Variants in TNS3 observed in about 807,000 individuals in gnomAD.
TNS3 encodes the protein tensin-3.
Under a neutral mutation model 140.9 loss-of-function variants are expected in TNS3, and 45 were observed. The observed-to-expected ratio is 0.32, with a 90% CI of 0.25 to 0.41. The LOEUF (loss-of-function observed/expected upper bound fraction) is 0.41, where lower values mean the gene tolerates loss of function less well. Among genes scored for constraint, TNS3 ranks in the 10% least tolerant of loss-of-function variants. The pLI is 1.00. For missense variants in TNS3, 1,716 were observed against 1,906.7 expected (o/e 0.90, Z 1.86); for synonymous variants, 815 against 788.4 (o/e 1.03, Z -0.56).
intron 17 of TNS3, among the ~76,000 whole-genome samples, chr7:47,365,771 TAAAA>T (rs944871953): frequency 6.6e-6 from 1 of 151,744 alleles, no homozygotes; most frequent in Non-Finnish European, 1.5e-5. Flanking sequence ...AAAAAATAAA[TAAAA>T]AAATAAAGTA....
intron 16 of TNS3, among the ~76,000 whole-genome samples, chr7:47,384,743 T>C (rs1360693828): frequency 6.6e-6 from 1 of 152,110 alleles, no homozygotes; most frequent in Admixed American, 6.5e-5. Context: ...TCACAGCCAA[T>C]GTATGTTTAA....
At chr7:47,377,042 T>C (rs1416624538) in intron 16 of TNS3, among the ~76,000 whole-genome samples, 1 of 152,176 alleles carries the variant, frequency 6.6e-6, no homozygotes, top group Non-Finnish European at 1.5e-5. Flanking sequence ...GTCCTGCCTG[T>C]GCCTGGACCA....
intron 23 of TNS3, among the ~76,000 whole-genome samples, chr7:47,300,973 G>T (rs1045729653): frequency 6.6e-6 from 1 of 152,204 alleles, no homozygotes; most frequent in Admixed American, 6.5e-5. Flanking sequence ...GATCATAAGA[G>T]ATGCACATTC....
chr7:47,449,653 G>C (rs1795922646), intron 4 of TNS3, among the ~76,000 whole-genome samples: 1 of 152,132 alleles, frequency 6.6e-6, no homozygotes, highest in African/African-American at 2.4e-5. Context: ...TGTTGCCCAG[G>C]CTGGAGTGCA....
rs554934938 is a variant in TNS3, at chr7:47,276,153, G to A, written c.*1923C>T. The A allele has an allele frequency of 1.6e-4, 28 of 172,594 alleles. No individual in the cohort carries two copies. The South Asian group carries it at 2.1e-3, about 13-fold the overall frequency. 10.7% of individuals were successfully genotyped at this position (172,594 alleles called of 1,614,324 possible). The stretch of plus-strand genomic sequence containing the variant: ...CAGGGTCAACACATGAGGATCTGCT[G>A]AAAATGCCAGCACCTCCTGACAGTC... On this transcript the variant is annotated 3_prime_UTR_variant, in exon 31 of 31. Transcript: ENST00000311160.
chr7:47,365,950 A>G (rs1320816346), intron 17 of TNS3, among the ~76,000 whole-genome samples: 2 of 152,164 alleles, frequency 1.3e-5, no homozygotes, highest in African/African-American at 2.4e-5. Flanking sequence ...AGAGACTACT[A>G]TATGTTAACC....
At chr7:47,376,572 G>C (rs1791397511) in intron 16 of TNS3, among the ~76,000 whole-genome samples, 1 of 152,196 alleles carries the variant, frequency 6.6e-6, no homozygotes, top group Admixed American at 6.5e-5. Flanking sequence ...ATCAGAGGCT[G>C]AGAGAGCCTG....
intron 4 of TNS3, among the ~76,000 whole-genome samples, chr7:47,444,044 T>C (rs1404941239): frequency 6.6e-6 from 1 of 152,240 alleles, no homozygotes; most frequent in African/African-American, 2.4e-5. Flanking sequence ...GGTTAATTCA[T>C]ACAATCTGTA....
At chr7:47,282,917 G>T (rs970925036) in intron 28 of TNS3, among the ~76,000 whole-genome samples, 3 of 152,166 alleles carry the variant, frequency 2.0e-5, no homozygotes, top group Non-Finnish European at 4.4e-5. Flanking sequence ...GCACCACAGA[G>T]AGGCATGGGG....
At chr7:47,349,209 C>CA (rs367917995) in intron 17 of TNS3, among the ~76,000 whole-genome samples, 36 of 150,692 alleles carry the variant, frequency 2.4e-4, no homozygotes, top group African/African-American at 4.1e-4. Context: ...AAAAGAGTCT[C>CA]AAAAAAAAAT....
chr7:47,522,927 C>CAAAA lies in TNS3; in HGVS notation c.-153+6105_-153+6108dup, dbSNP rs370083525. The stretch of plus-strand genomic sequence containing the variant: ...TGGGTGACAGAGCGAGACTCCATCT[C>CAAAA]AAAAAAAAAAAGAGTTTCTATTGTT... On this transcript the variant is annotated intron_variant, in intron 2 of 30. Coordinates refer to ENST00000311160, the MANE Select transcript of TNS3 (RefSeq NM_022748.12). Among the ~76,000 whole-genome samples, 879 of 139,688 alleles carry CAAAA rather than the reference C, an allele frequency of 6.3e-3. 15 individuals are homozygous for CAAAA. Among genetic ancestry groups the CAAAA allele is most frequent in the South Asian group, 0.01 (43 of 4,296 alleles). The allele number at this position is 139,688 out of a possible 152,430, so 91.6% of individuals were successfully genotyped here. A position where few individuals can be genotyped will look rare whatever the true frequency, so the allele number is the denominator to read the frequency against.
At chr7:47,573,299 G>A (rs1800600104) in intron 1 of TNS3, among the ~76,000 whole-genome samples, 1 of 152,200 alleles carries the variant, frequency 6.6e-6, no homozygotes, top group Admixed American at 6.5e-5. Context: ...CTTATGGGCT[G>A]TGCTCTTGGA....
intron 2 of TNS3, among the ~76,000 whole-genome samples, chr7:47,508,673 G>GCC (rs1026144997): frequency 1.3e-5 from 2 of 152,238 alleles, no homozygotes; most frequent in African/African-American, 4.8e-5. Flanking sequence ...CTGGTGTATA[G>GCC]CCCCCTCCCA....
chr7:47,504,663 G>A (rs867559520), intron 3 of TNS3, among the ~76,000 whole-genome samples: 65 of 152,332 alleles, frequency 4.3e-4, no homozygotes, highest in Admixed American at 2.4e-3. Flanking sequence ...TAATGTGGGA[G>A]AAGCCACAGC....
At chr7:47,439,123 G>A (rs191846724) in intron 6 of TNS3, among the ~76,000 whole-genome samples, 1 of 152,330 alleles carries the variant, frequency 6.6e-6, no homozygotes, top group East Asian at 1.9e-4. Flanking sequence ...TTCTGGCTCA[G>A]GAGGAGAGTC....
intron 20 of TNS3, among the ~76,000 whole-genome samples, chr7:47,330,929 C>G (rs1251237039): frequency 6.6e-6 from 1 of 152,176 alleles, no homozygotes; most frequent in Non-Finnish European, 1.5e-5. Flanking sequence ...GGGGCTGCAT[C>G]CCATCACCTC....
chr7:47,385,482 C>T (rs1317736509), intron 16 of TNS3, among the ~76,000 whole-genome samples: 1 of 152,090 alleles, frequency 6.6e-6, no homozygotes, highest in African/African-American at 2.4e-5. Context: ...TCCAGCACTG[C>T]CGATGCTCAG....
chr7:47,329,534 C>G (rs955781428), intron 20 of TNS3, among the ~76,000 whole-genome samples: 1 of 152,184 alleles, frequency 6.6e-6, no homozygotes, highest in Non-Finnish European at 1.5e-5. Context: ...TCAGGGCCAC[C>G]GCTCCGCACA....
At chr7:47,403,711 G>A (rs1793287852) in intron 13 of TNS3, among the ~76,000 whole-genome samples, 1 of 152,034 alleles carries the variant, frequency 6.6e-6, no homozygotes, top group African/African-American at 2.4e-5. Flanking sequence ...TCCCTAACTC[G>A]GGGCTCCCAG....
Sources: allele counts gnomAD v4.1 joint callset (sites outside exome capture counted in the v4.1 genomes callset), GRCh38; gene constraint gnomAD v4.1.1; transcripts MANE v1.5; gene names NCBI Gene and HGNC (gene_info 2026-07-23, HGNC 2026-07-21).